THSD7B: variants seen among roughly 807,000 people sequenced by gnomAD.
The protein encoded by THSD7B is thrombospondin type-1 domain-containing protein 7B.
THSD7B carries 138 observed loss-of-function variants against 213.6 expected under a neutral mutation model. The ratio of observed to expected loss-of-function variants is 0.65; its 90% CI spans 0.56 to 0.74. The LOEUF is 0.74. Among genes scored for constraint, THSD7B ranks in the 30% least tolerant of loss-of-function variants. The pLI, the probability that THSD7B is intolerant of heterozygous loss-of-function variation, is 0.00. For missense variants in THSD7B, 1,931 were observed against 1,991.5 expected (o/e 0.97, Z 0.58); for synonymous variants, 742 against 687.0 (o/e 1.08, Z -1.25).
At chr2:137,250,273 C>T (rs888761355) in intron 10 of THSD7B, among the ~76,000 whole-genome samples, 1 of 152,028 alleles carries the variant, frequency 6.6e-6, no homozygotes, top group Non-Finnish European at 1.5e-5. Flanking sequence ...CAAATAATAA[C>T]TGTATATAAA....
chr2:136,932,901 C>T (rs1684654658), intron 2 of THSD7B, among the ~76,000 whole-genome samples: 1 of 151,926 alleles, frequency 6.6e-6, no homozygotes, highest in Non-Finnish European at 1.5e-5. Flanking sequence ...TTTCAGGCCA[C>T]CAGGAGGAGG....
intron 12 of THSD7B, among the ~76,000 whole-genome samples, chr2:137,279,655 G>C (rs1339927428): frequency 6.6e-6 from 1 of 152,132 alleles, no homozygotes; most frequent in African/African-American, 2.4e-5. Context: ...ATTTAGATTG[G>C]GGAAGGGAGG....
intron 14 of THSD7B, among the ~76,000 whole-genome samples, chr2:137,442,136 G>C (rs889751847): frequency 2.0e-5 from 3 of 151,898 alleles, no homozygotes; most frequent in African/African-American, 7.3e-5. Flanking sequence ...ATGACATAAG[G>C]TTAGACTTTG....
intron 12 of THSD7B, 131 bp downstream of exon 12, chr2:137,276,157 G>T: frequency 1.5e-6 from 1 of 674,364 alleles, no homozygotes; most frequent in African/African-American, 2.0e-5. Context: ...ATTTATTGAT[G>T]TTAAATATAA....
At chr2:137,083,971 G>C (rs4954369) in intron 3 of THSD7B, among the ~76,000 whole-genome samples, 44,185 of 151,956 alleles carry the variant, frequency 0.29, 7,405 homozygotes, top group African/African-American at 0.46. Context: ...TATTTTGGAA[G>C]TATTATGTTC....
At chr2:137,588,051 G>T (rs990828405) in intron 17 of THSD7B, among the ~76,000 whole-genome samples, 21 of 152,182 alleles carry the variant, frequency 1.4e-4, no homozygotes, top group African/African-American at 4.8e-4. Context: ...CCCTCCCCCA[G>T]CCTGGCTGCC....
chr2:137,252,281 A>AAAC (rs2105074290), intron 10 of THSD7B, among the ~76,000 whole-genome samples: 1 of 144,486 alleles, frequency 6.9e-6, no homozygotes, highest in African/African-American at 2.9e-5. Flanking sequence ...AAAAAAAAAA[A>AAAC]AAAAAAAAAC....
chr2:137,094,144 T>C (rs1046432697), intron 3 of THSD7B, among the ~76,000 whole-genome samples: 2 of 152,236 alleles, frequency 1.3e-5, no homozygotes, highest in African/African-American at 4.8e-5. Context: ...TCTTTATCTA[T>C]CTACAAAATG....
At chr2:136,774,483 G>A (rs1473642915) in intron 1 of THSD7B, among the ~76,000 whole-genome samples, 2 of 152,068 alleles carry the variant, frequency 1.3e-5, no homozygotes, top group Non-Finnish European at 2.9e-5. Context: ...AAAACAGAAT[G>A]TGACATTCCT....
At chr2:136,802,802 G>T (rs1327755748) in intron 1 of THSD7B, among the ~76,000 whole-genome samples, 1 of 150,690 alleles carries the variant, frequency 6.6e-6, no homozygotes, top group African/African-American at 2.4e-5. Flanking sequence ...GCAACAGAAT[G>T]GTTTAGAAAT....
intron 8 of THSD7B, 49 bp from the exon 9 acceptor site, chr2:137,232,850 A>G: frequency 6.3e-7 from 1 of 1,578,762 alleles, no homozygotes; most frequent in Non-Finnish European, 8.7e-7. Context: ...AACAACAAAA[A>G]CAAGAACAGC....
intron 27 of THSD7B, among the ~76,000 whole-genome samples, chr2:137,671,247 TAA>T (rs34209454): frequency 0.37 from 49,398 of 133,336 alleles, 9,805 homozygotes; most frequent in Non-Finnish European, 0.45. Context: ...TTTTTTTTTT[TAA>T]AAAAAAAAAA....
At chr2:137,544,180 A>T (rs1680657350) in intron 15 of THSD7B, among the ~76,000 whole-genome samples, 1 of 151,760 alleles carries the variant, frequency 6.6e-6, no homozygotes, top group Non-Finnish European at 1.5e-5. Context: ...TTATAGCAGC[A>T]TTAGTCATAG....
intron 8 of THSD7B, 93 bp downstream of exon 8, chr2:137,231,328 T>C: frequency 8.6e-7 from 1 of 1,156,468 alleles, no homozygotes; most frequent in Non-Finnish European, 1.2e-6. Flanking sequence ...ATGGAGGAAA[T>C]AGTCACACAT....
intron 6 of THSD7B, among the ~76,000 whole-genome samples, chr2:137,165,252 A>G (rs1475645633): frequency 6.6e-6 from 1 of 152,168 alleles, no homozygotes; most frequent in Non-Finnish European, 1.5e-5. Context: ...GATGATTGTT[A>G]TTCAGGTCTA....
chr2:137,355,598 G>T (rs745639907), intron 12 of THSD7B, among the ~76,000 whole-genome samples: 5 of 152,106 alleles, frequency 3.3e-5, no homozygotes, highest in Non-Finnish European at 7.4e-5. Context: ...AAACACAGGA[G>T]TATGCAATTC....
chr2:137,240,717 G>T (rs561381823), intron 9 of THSD7B, among the ~76,000 whole-genome samples: 1 of 152,086 alleles, frequency 6.6e-6, no homozygotes, highest in East Asian at 1.9e-4. Context: ...GTCTGGCTGT[G>T]TTGCCCAGGC....
intron 15 of THSD7B, among the ~76,000 whole-genome samples, chr2:137,495,134 G>A (rs1340780777): frequency 6.6e-6 from 1 of 152,046 alleles, no homozygotes. Context: ...TATTCAAAAT[G>A]TTATTTCAGC....
At chr2:137,161,514 A>G (rs1314137522) in intron 6 of THSD7B, among the ~76,000 whole-genome samples, 1 of 152,174 alleles carries the variant, frequency 6.6e-6, no homozygotes, top group African/African-American at 2.4e-5. Context: ...ACATGTGCAC[A>G]CCCAGACTCA....
Sources: gnomAD v4.1 joint callset for allele counts (sites outside exome capture counted in the v4.1 genomes callset) on GRCh38, gnomAD v4.1.1 for gene constraint, MANE v1.5 for transcripts, NCBI Gene and HGNC (gene_info 2026-07-23, HGNC 2026-07-21) for gene names.